ICAM1: variants seen among roughly 807,000 people sequenced by gnomAD.
The protein encoded by ICAM1 is ICAM-1.
ICAM1 carries 28 observed loss-of-function variants against 42.3 expected under a neutral mutation model. The observed-to-expected ratio is 0.66, with a 90% confidence interval of 0.49 to 0.91. The LOEUF is 0.91. Among genes scored for constraint, ICAM1 ranks in the 40% least tolerant of loss-of-function variants. The probability of loss-of-function intolerance (pLI) is 0.00; values close to 1 mark genes in which losing one functional copy is unlikely to be tolerated. For synonymous variants in ICAM1, 304 were observed against 305.9 expected (o/e 0.99, Z 0.07); for missense variants, 637 against 688.6 (o/e 0.93, Z 0.84).
intron 2 of ICAM1, among the ~76,000 whole-genome samples, chr19:10,276,424 G>A (rs925585717): frequency 6.0e-4 from 90 of 151,154 alleles, no homozygotes; most frequent in Middle Eastern, 3.4e-3. Context: ...AGGCGCCTGT[G>A]GTCCCAGCTA....
At chr19:10,282,041 CT>C (rs2040063605) in intron 2 of ICAM1, among the ~76,000 whole-genome samples, 1 of 149,510 alleles carries the variant, frequency 6.7e-6, no homozygotes, top group African/African-American at 2.5e-5. Context: ...CACACGCAGC[CT>C]TTTTGTTATT....
rs567512435 is a variant in ICAM1 at position 10,284,215 on chromosome 19, G to A, written c.820G>A (p.Ala274Thr). The A allele has an allele frequency of 3.7e-6, 6 of 1,613,994 alleles. No individual in the cohort carries two copies. The highest frequency in any genetic ancestry group is 1.7e-5 in the Admixed American group (1 of 60,028). Reference sequence around the variant, plus strand: ...TGGCAACGACTCCTTCTCGGCCAAGGCCTCAGTCAGTGTGACCGCAGAGGA... The same window carrying A: ...TGGCAACGACTCCTTCTCGGCCAAGACCTCAGTCAGTGTGACCGCAGAGGA... ...TYGNDSFSAK[A>T]SVSVTAEDEG... Residue 274 changes from alanine to threonine, a missense_variant, in exon 4 of 7, where the codon GCC becomes ACC. Transcript: ENST00000264832. The surrounding 1 kb of genome is among the most constrained non-coding windows in gnomAD (Gnocchi z 5.4).
intron 1 of ICAM1, among the ~76,000 whole-genome samples, chr19:10,273,385 G>A (rs1032783950): frequency 3.3e-5 from 5 of 151,838 alleles, no homozygotes; most frequent in Admixed American, 1.3e-4. Flanking sequence ...CCAGCTACTC[G>A]GGAGGCTGAG....
chr19:10,283,435 A>G (rs762304244), intron 2 of ICAM1, 46 bp from the exon 3 acceptor site: 27 of 1,507,176 alleles, frequency 1.8e-5, no homozygotes, highest in Non-Finnish European at 2.4e-5. Flanking sequence ...TTAGGCAGGC[A>G]GCAAGGTCCA....
intron 1 of ICAM1, among the ~76,000 whole-genome samples, chr19:10,272,952 T>G (rs973226893): frequency 6.6e-6 from 1 of 152,012 alleles, no homozygotes; most frequent in Non-Finnish European, 1.5e-5. Context: ...ATGGGGAAAT[T>G]GAGGCCCAAA....
At chr19:10,272,306 C>T (rs2039987270) in intron 1 of ICAM1, among the ~76,000 whole-genome samples, 1 of 152,134 alleles carries the variant, frequency 6.6e-6, no homozygotes, top group African/African-American at 2.4e-5. Flanking sequence ...CGTTCTGATC[C>T]GGACTCAGAC....
At chr19:10,278,318 G>A (rs2040031070) in intron 2 of ICAM1, among the ~76,000 whole-genome samples, 1 of 152,164 alleles carries the variant, frequency 6.6e-6, no homozygotes, top group Admixed American at 6.5e-5. Context: ...GACCTCCTCT[G>A]ATGGGGAAAA....
intron 2 of ICAM1, among the ~76,000 whole-genome samples, chr19:10,277,090 A>C (rs5030354): frequency 0.071 from 10,823 of 152,216 alleles, 1,309 homozygotes; most frequent in African/African-American, 0.25. Flanking sequence ...AATAGCCCTA[A>C]AAGGAAGTGG....
intron 2 of ICAM1, among the ~76,000 whole-genome samples, chr19:10,281,643 T>C (rs1436692741): frequency 6.6e-6 from 1 of 151,834 alleles, no homozygotes; most frequent in Non-Finnish European, 1.5e-5. Flanking sequence ...GAAACTGAGG[T>C]TCAGAGAGAC....
Position 10,283,690 on chromosome 19 carries a change from G to A in ICAM1, c.541G>A (p.Gly181Arg). Residue 181 changes from glycine (G) to arginine (R), a missense_variant, in exon 3 of 7, where the codon GGA (glycine) becomes AGA (arginine). Gly to Arg is a moderately radical substitution (Grantham distance 125). Coordinates refer to ENST00000264832, the MANE Select transcript of ICAM1 (RefSeq NM_000201.3). ...GGTGCTGGTGAGGAGAGATCACCAT[G>A]GAGCCAATTTCTCGTGCCGCACTGA... is the stretch of plus-strand genomic sequence containing the variant. ...TTVLVRRDHH[G>R]ANFSCRTELD... is the part of the protein sequence containing the mutation. 1 of 1,614,000 alleles carries A rather than the reference G, an allele frequency of 6.2e-7. No homozygotes were observed. Among genetic ancestry groups the A allele is most frequent in the Non-Finnish European group, 8.5e-7 (1 of 1,179,966 alleles).
At position 10,285,112 on chromosome 19, in the gene ICAM1, C is replaced by T; in HGVS notation, c.1427-3C>T. On this transcript the variant is annotated splice_region_variant and splice_polypyrimidine_tract_variant and intron_variant, in intron 6 of 6. Coordinates refer to ENST00000264832, the MANE Select transcript of ICAM1 (RefSeq NM_000201.3). ...CTCACCGCCTGTTGTATCCTCCCCACAGCCCCCCGGTATGAGATTGTCATC... is the reference window on the plus strand; with the variant it reads ...CTCACCGCCTGTTGTATCCTCCCCATAGCCCCCCGGTATGAGATTGTCATC... 1 of 1,614,064 alleles carries T rather than the reference C, an allele frequency of 6.2e-7. No homozygotes were observed. The highest frequency in any genetic ancestry group is 8.5e-7 in the Non-Finnish European group (1 of 1,179,996).
chr19:10,278,599 G>T (rs1357521183), intron 2 of ICAM1, among the ~76,000 whole-genome samples: 2 of 110,558 alleles, frequency 1.8e-5, no homozygotes, highest in African/African-American at 7.3e-5. Context: ...GTCTTGCTCT[G>T]TCGCCCAGGC....
At chr19:10,281,204 G>A (rs949709621) in intron 2 of ICAM1, among the ~76,000 whole-genome samples, 2 of 151,156 alleles carry the variant, frequency 1.3e-5, no homozygotes, top group African/African-American at 2.4e-5. Context: ...CCTGACTTCC[G>A]GTGATCCATC....
chr19:10,284,785 G>A lies in ICAM1; in HGVS notation c.1183G>A (p.Gly395Ser). The A allele has an allele frequency of 6.2e-7, 1 of 1,605,390 alleles. No homozygotes were observed. The highest frequency in any genetic ancestry group is 2.2e-5 in the East Asian group (1 of 44,846). ...NQTRELRVLY[G>S]PRLDERDCPG... The stretch of plus-strand genomic sequence containing the variant: ...GTCATCTCATCGTGTTTTTCCAGAT[G>A]GCCCCCGACTGGACGAGAGGGATTG... Residue 395 changes from glycine (G) to serine (S), a missense_variant and splice_region_variant, in exon 6 of 7, where the codon GGC (glycine) becomes AGC (serine). By Grantham distance (56) the Gly-to-Ser change is moderately conservative (BLOSUM62 0). Coordinates refer to ENST00000264832, the MANE Select transcript of ICAM1 (RefSeq NM_000201.3). The surrounding 1 kb of genome is among the most constrained non-coding windows in gnomAD (Gnocchi z 5.4).
chr19:10,284,853 A>G lies in ICAM1; in HGVS notation c.1251A>G (p.Pro417=), dbSNP rs1272044051. 2 of 1,595,660 alleles carry G rather than the reference A, an allele frequency of 1.3e-6. No individual in the cohort carries two copies. The highest frequency in any genetic ancestry group is 3.8e-5 in the Admixed American group (2 of 53,006). ...WTWPENSQQT[P]MCQAWGNPLP... ...GGCCAGAAAATTCCCAGCAGACTCCAATGTGCCAGGCTTGGGGGAACCCAT... is the reference window on the plus strand; with the variant it reads ...GGCCAGAAAATTCCCAGCAGACTCCGATGTGCCAGGCTTGGGGGAACCCAT... The change falls in exon 6 of 7, where the codon CCA becomes CCG. Residue 417 remains proline (P), a synonymous_variant. Coordinates refer to ENST00000264832, the MANE Select transcript of ICAM1 (RefSeq NM_000201.3). The surrounding 1 kb of genome is among the most constrained non-coding windows in gnomAD (Gnocchi z 5.4).
At chr19:10,271,363 C>T (rs2039979010) in intron 1 of ICAM1, 137 bp downstream of exon 1, 3 of 707,134 alleles carry the variant, frequency 4.2e-6, no homozygotes, top group Non-Finnish European at 7.1e-6. Context: ...AGGCAACAGC[C>T]AGTAGGTTCG....
chr19:10,275,874 A>G (rs1179424237), intron 2 of ICAM1, among the ~76,000 whole-genome samples: 2 of 150,778 alleles, frequency 1.3e-5, no homozygotes, highest in African/African-American at 2.4e-5. Flanking sequence ...TGCCCGGCTC[A>G]TTTTTTTGTA....
intron 2 of ICAM1, among the ~76,000 whole-genome samples, chr19:10,281,595 A>T (rs562414177): frequency 6.6e-6 from 1 of 152,106 alleles, no homozygotes; most frequent in African/African-American, 2.4e-5. Context: ...CTCTTAAGTG[A>T]ATTCTCCTAC....
chr19:10,275,547 C>T (rs954243524), intron 2 of ICAM1, among the ~76,000 whole-genome samples: 2 of 152,050 alleles, frequency 1.3e-5, no homozygotes, highest in Middle Eastern at 3.2e-3. Flanking sequence ...ACATATGACA[C>T]GGTCCTGCTT....
Sources: allele counts gnomAD v4.1 joint callset (sites outside exome capture counted in the v4.1 genomes callset), GRCh38; gene constraint gnomAD v4.1.1; non-coding constraint Gnocchi (gnomAD v3.1); transcripts MANE v1.5; gene names NCBI Gene and HGNC (gene_info 2026-07-23, HGNC 2026-07-21).